Variants in HPSE2 observed in about 807,000 individuals in gnomAD.
HPSE2 encodes inactive heparanase-2.
Under a neutral mutation model 60.5 loss-of-function variants are expected in HPSE2, and 38 were observed. The ratio of observed to expected loss-of-function variants is 0.63; its 90% CI spans 0.48 to 0.82. The LOEUF (loss-of-function observed/expected upper bound fraction) is 0.82. Among genes scored for constraint, HPSE2 ranks in the 40% least tolerant of loss-of-function variants. The pLI, the probability that HPSE2 is intolerant of heterozygous loss-of-function variation, is 0.00. For synonymous variants in HPSE2, 295 were observed against 293.2 expected (o/e 1.01, Z -0.06); for missense variants, 713 against 740.4 (o/e 0.96, Z 0.43).
At chr10:99,154,824 C>A (rs963851276) in intron 2 of HPSE2, among the ~76,000 whole-genome samples, 28 of 152,022 alleles carry the variant, frequency 1.8e-4, no homozygotes, top group African/African-American at 5.8e-4. Flanking sequence ...GATAAAGAGT[C>A]AAGACCCATC....
At chr10:99,049,716 T>C (rs1564765392) in intron 3 of HPSE2, among the ~76,000 whole-genome samples, 1 of 151,998 alleles carries the variant, frequency 6.6e-6, no homozygotes, top group African/African-American at 2.4e-5. Flanking sequence ...ACCAGATAAA[T>C]AATTATTAAC....
intron 3 of HPSE2, among the ~76,000 whole-genome samples, chr10:98,933,126 C>T (rs1425793082): frequency 6.9e-6 from 1 of 144,032 alleles, no homozygotes; most frequent in African/African-American, 2.8e-5. Flanking sequence ...CCTCTTAACA[C>T]TGCTTTAGCT....
At chr10:98,483,281 T>C (rs1941313749) in intron 10 of HPSE2, among the ~76,000 whole-genome samples, 1 of 152,182 alleles carries the variant, frequency 6.6e-6, no homozygotes, top group South Asian at 2.1e-4. Flanking sequence ...TTCACAGAGA[T>C]TTTTTTCCAT....
chr10:98,545,893 T>A (rs1406113808), intron 9 of HPSE2, among the ~76,000 whole-genome samples: 1 of 151,224 alleles, frequency 6.6e-6, no homozygotes, highest in Non-Finnish European at 1.5e-5. Flanking sequence ...TGATTGTATA[T>A]CTGGAAAACC....
At chr10:98,509,917 C>T (rs1193312675) in intron 9 of HPSE2, among the ~76,000 whole-genome samples, 1 of 152,086 alleles carries the variant, frequency 6.6e-6, no homozygotes, top group East Asian at 1.9e-4. Context: ...ATCCCAACCT[C>T]AGCCATAAAA....
intron 3 of HPSE2, among the ~76,000 whole-genome samples, chr10:99,128,252 T>C (rs1845239524): frequency 1.3e-5 from 2 of 152,174 alleles, no homozygotes; most frequent in Admixed American, 1.3e-4. Context: ...AGTTCAACCA[T>C]AGCGGAAGAT....
chr10:99,182,264 T>C (rs886673071), intron 2 of HPSE2, among the ~76,000 whole-genome samples: 18 of 152,210 alleles, frequency 1.2e-4, no homozygotes, highest in Admixed American at 7.9e-4. Context: ...ATTCTGCCAA[T>C]GTACACAAGG....
At chr10:98,953,428 G>A (rs530877441) in intron 3 of HPSE2, among the ~76,000 whole-genome samples, 1 of 152,216 alleles carries the variant, frequency 6.6e-6, no homozygotes, top group Non-Finnish European at 1.5e-5. Context: ...AATACAGCAA[G>A]GACCTGGGCA....
intron 2 of HPSE2, among the ~76,000 whole-genome samples, chr10:99,221,618 A>G (rs1345955007): frequency 6.6e-6 from 1 of 152,188 alleles, no homozygotes; most frequent in Non-Finnish European, 1.5e-5. Flanking sequence ...AGAAAAGGAG[A>G]AAAAACTTGA....
At chr10:98,932,844 G>T (rs1469667759) in intron 3 of HPSE2, among the ~76,000 whole-genome samples, 2 of 143,488 alleles carry the variant, frequency 1.4e-5, no homozygotes, top group East Asian at 3.9e-4. Context: ...ATTTCTGATT[G>T]TGTTTATTTG....
At chr10:99,046,187 C>G (rs1957850510) in intron 3 of HPSE2, among the ~76,000 whole-genome samples, 1 of 152,030 alleles carries the variant, frequency 6.6e-6, no homozygotes, top group Admixed American at 6.6e-5. Context: ...ATATGCAAAT[C>G]AATAAATGTG....
chr10:98,878,060 T>C (rs1026191027), intron 3 of HPSE2, among the ~76,000 whole-genome samples: 2 of 151,836 alleles, frequency 1.3e-5, no homozygotes, highest in Admixed American at 1.3e-4. Flanking sequence ...CCAGCTGAGA[T>C]AGAATTACAA....
At chr10:99,277,097 T>G in the HPSE2 span, among the ~76,000 whole-genome samples, 1 of 152,188 alleles carries the variant, frequency 6.6e-6, no homozygotes, top group Non-Finnish European at 1.5e-5. Flanking sequence ...GGAAACTACT[T>G]AAGGCAGACA....
chr10:99,186,041 G>C (rs1847995102), intron 2 of HPSE2, among the ~76,000 whole-genome samples: 1 of 150,438 alleles, frequency 6.6e-6, no homozygotes, highest in Non-Finnish European at 1.5e-5. Context: ...TCCAAAATTA[G>C]TGACAGACAA....
chr10:98,781,602 CAT>C (rs1950471957), intron 3 of HPSE2, among the ~76,000 whole-genome samples: 1 of 152,130 alleles, frequency 6.6e-6, no homozygotes, highest in African/African-American at 2.4e-5. Context: ...TCCCAAGAAA[CAT>C]ATAAAAATAC....
chr10:98,772,727 T>C (rs1056990874), intron 3 of HPSE2, among the ~76,000 whole-genome samples: 3 of 152,224 alleles, frequency 2.0e-5, no homozygotes, highest in African/African-American at 7.2e-5. Flanking sequence ...TTTGATTCAC[T>C]ACAAGAATGG....
chr10:98,647,195 A>C (rs1247788069), intron 6 of HPSE2, among the ~76,000 whole-genome samples: 5 of 152,066 alleles, frequency 3.3e-5, no homozygotes, highest in African/African-American at 1.2e-4. Context: ...TTTTAACCCC[A>C]TTCCCGTCCC....
chr10:99,270,214 T>C, the HPSE2 span, among the ~76,000 whole-genome samples: 1 of 151,976 alleles, frequency 6.6e-6, no homozygotes, highest in Admixed American at 6.6e-5. Flanking sequence ...ATAAATAAAA[T>C]TGATAGAACA....
intron 6 of HPSE2, among the ~76,000 whole-genome samples, chr10:98,685,941 A>T (rs1947904885): frequency 6.6e-6 from 1 of 152,222 alleles, no homozygotes. Context: ...GTTGGTATAA[A>T]GCTGTTCATA....
Sources: allele counts gnomAD v4.1 joint callset (sites outside exome capture counted in the v4.1 genomes callset), GRCh38; gene constraint gnomAD v4.1.1; transcripts MANE v1.5; gene names NCBI Gene and HGNC (gene_info 2026-07-23, HGNC 2026-07-21).